Variants in SOX5 observed in about 807,000 individuals in gnomAD.
SOX5 encodes SRY-box transcription factor 5.
A neutral mutation model predicts 92.0 loss-of-function variants in SOX5; 9 were observed. That is an observed-to-expected ratio of 0.10 (90% confidence interval 0.06 to 0.17). The LOEUF is 0.17. Among genes scored for constraint, SOX5 ranks in the 10% least tolerant of loss-of-function variants. The pLI, the probability that SOX5 is intolerant of heterozygous loss-of-function variation, is 1.00. For synonymous variants in SOX5, 344 were observed against 336.3 expected, an observed-to-expected ratio of 1.02 and a Z score of -0.25; for missense variants, 642 against 944.5, an observed-to-expected ratio of 0.68 and a Z score of 4.20.
At chr12:23,715,862 A>G (rs765782308) in intron 6 of SOX5, among the ~76,000 whole-genome samples, 64 of 151,832 alleles carry the variant, frequency 4.2e-4, no homozygotes, top group Non-Finnish European at 7.8e-4. Flanking sequence ...CTAACAAATC[A>G]GTTAACAATT....
chr12:23,635,538 G>T (rs930394368), intron 8 of SOX5, among the ~76,000 whole-genome samples: 11 of 152,016 alleles, frequency 7.2e-5, no homozygotes, highest in African/African-American at 2.4e-4. Flanking sequence ...TGGGAGGAGG[G>T]GGGAGGGAGA....
intron 1 of SOX5, among the ~76,000 whole-genome samples, chr12:24,449,270 T>C (rs1358433750): frequency 1.3e-5 from 2 of 152,192 alleles, no homozygotes; most frequent in Admixed American, 6.5e-5. Context: ...CTCGCTCTTA[T>C]CAACTCTCCA....
At chr12:24,129,429 T>A (rs977724675) in intron 4 of SOX5, among the ~76,000 whole-genome samples, 4 of 152,172 alleles carry the variant, frequency 2.6e-5, no homozygotes, top group Non-Finnish European at 5.9e-5. Context: ...CCCTTTTCTT[T>A]GGGGTGTTCC....
At chr12:23,605,550 A>C (rs1386394957) in intron 8 of SOX5, among the ~76,000 whole-genome samples, 1 of 151,402 alleles carries the variant, frequency 6.6e-6, no homozygotes, top group Non-Finnish European at 1.5e-5. Context: ...GATTCCATGG[A>C]TAGCGTTTAC....
chr12:23,649,750 T>C (rs895993348), intron 7 of SOX5, among the ~76,000 whole-genome samples: 1 of 152,110 alleles, frequency 6.6e-6, no homozygotes, highest in African/African-American at 2.4e-5. Context: ...ATTATTATAG[T>C]TGTGCATATT....
intron 3 of SOX5, among the ~76,000 whole-genome samples, chr12:23,789,143 AG>A (rs1252417673): frequency 6.6e-6 from 1 of 151,910 alleles, no homozygotes; most frequent in Non-Finnish European, 1.5e-5. Flanking sequence ...GGCAGAGAAA[AG>A]AAAGAAAGAA....
intron 2 of SOX5, among the ~76,000 whole-genome samples, chr12:24,284,359 A>T (rs758143823): frequency 6.6e-6 from 1 of 152,014 alleles, no homozygotes; most frequent in Non-Finnish European, 1.5e-5. Context: ...GTCACCTTCC[A>T]GGTGAGTTTC....
rs12812375 is a variant in SOX5 at position 23,551,231 on chromosome 12, C to T, written c.1489-4807G>A. Among the ~76,000 whole-genome samples, 308 of 151,970 alleles carry T rather than the reference C, an allele frequency of 2.0e-3. 2 individuals are homozygous for T. Among genetic ancestry groups the T allele is most frequent in the Non-Finnish European group, 3.4e-3 (233 of 67,814 alleles). ...GACACGGGAAGAAAGAAACAAAAAACCCTCCAATTATGTGAACCTCACAGA... is the reference window on the plus strand; with the variant it reads ...GACACGGGAAGAAAGAAACAAAAAATCCTCCAATTATGTGAACCTCACAGA... On this transcript the variant is annotated intron_variant, in intron 11 of 14. Transcript: ENST00000451604.
intron 1 of SOX5, among the ~76,000 whole-genome samples, chr12:24,506,860 G>C (rs1014996095): frequency 7.6e-6 from 1 of 131,614 alleles, no homozygotes; most frequent in Admixed American, 9.6e-5. Flanking sequence ...GCGCGATCTC[G>C]GCTCACTGTA....
At chr12:24,294,546 G>A (rs753752983) in intron 2 of SOX5, among the ~76,000 whole-genome samples, 6 of 152,074 alleles carry the variant, frequency 3.9e-5, no homozygotes, top group Non-Finnish European at 5.9e-5. Context: ...GAGAAGCACC[G>A]CCCCTTCCAC....
chr12:23,620,495 AT>A (rs1268929353), intron 8 of SOX5, among the ~76,000 whole-genome samples: 1 of 152,086 alleles, frequency 6.6e-6, no homozygotes, highest in Non-Finnish European at 1.5e-5. Flanking sequence ...CCTCATCTTT[AT>A]TTAAATATTT....
intron 2 of SOX5, among the ~76,000 whole-genome samples, chr12:24,348,396 T>TTATTTATC (rs1453071408): frequency 6.6e-6 from 1 of 151,838 alleles, no homozygotes; most frequent in African/African-American, 2.4e-5. Context: ...ATTTATTTAT[T>TTATTTATC]TGTTGAGATG....
chr12:24,356,927 T>C (rs558515), intron 2 of SOX5, among the ~76,000 whole-genome samples: 129,588 of 152,226 alleles, frequency 0.85, 55,568 homozygotes, highest in East Asian at 0.98. Flanking sequence ...TAAAACTAGA[T>C]ACTGACCATC....
At chr12:24,284,491 G>C (rs746609633) in intron 2 of SOX5, among the ~76,000 whole-genome samples, 1 of 151,528 alleles carries the variant, frequency 6.6e-6, no homozygotes, top group Non-Finnish European at 1.5e-5. Context: ...ATTTATTATA[G>C]ACAATTACAA....
intron 4 of SOX5, among the ~76,000 whole-genome samples, chr12:24,134,389 T>C (rs1015208215): frequency 1.3e-5 from 2 of 152,202 alleles, no homozygotes; most frequent in Non-Finnish European, 2.9e-5. Context: ...ATTTTAAAGA[T>C]TGCAGGTTCA....
chr12:23,707,260 C>G lies in SOX5; in HGVS notation c.810+27424G>C, dbSNP rs552190669. 4.6e-5 allele frequency among the ~76,000 whole-genome samples: 7 copies of G among 152,260 alleles called. No individual in the cohort carries two copies. In the East Asian group the frequency reaches 1.4e-3, roughly 29 times the overall value. The stretch of plus-strand genomic sequence containing the variant: ...TTGGGAGATTTCTTTTGTTTTTAGG[C>G]TGGTTCTTTAGGTCATCCAATCGTT... On this transcript the variant is annotated intron_variant, in intron 6 of 14. Transcript: ENST00000451604.
intron 4 of SOX5, among the ~76,000 whole-genome samples, chr12:24,201,781 C>T (rs1388542973): frequency 2.6e-5 from 4 of 152,146 alleles, no homozygotes; most frequent in Non-Finnish European, 5.9e-5. Context: ...AACCTGGGCC[C>T]TTGGAGACTG....
In SOX5 at chr12:24,474,242, GC is replaced by G. The variant is rs1945114382; in HGVS notation, c.-251+88086del. On this transcript the variant is annotated intron_variant, in intron 1 of 4. Transcript: ENST00000446891. ...ACTTATTTATAGGTATATAATTTTT[GC>G]TTAGATAGATCTTGGTTTAAAAGGT... 2.0e-5 allele frequency among the ~76,000 whole-genome samples: 3 copies of G among 152,154 alleles called. No individual in the cohort carries two copies. The South Asian group carries it at 6.2e-4, about 32-fold the overall frequency.
intron 3 of SOX5, among the ~76,000 whole-genome samples, chr12:23,817,616 G>A (rs2096021410): frequency 6.6e-6 from 1 of 152,150 alleles, no homozygotes; most frequent in Admixed American, 6.5e-5. Context: ...AAATTGGCTA[G>A]ACCAGTCATA....
Sources: gnomAD v4.1 joint callset for allele counts (sites outside exome capture counted in the v4.1 genomes callset) on GRCh38, gnomAD v4.1.1 for gene constraint, MANE v1.5 for transcripts, NCBI Gene and HGNC (gene_info 2026-07-23, HGNC 2026-07-21) for gene names.